CDH13: variants seen among roughly 807,000 people sequenced by gnomAD.
CDH13 encodes the protein cadherin-13.
A neutral mutation model predicts 63.8 loss-of-function variants in CDH13; 24 were observed. The ratio of observed to expected loss-of-function variants is 0.38; its 90% CI spans 0.27 to 0.53. The LOEUF (loss-of-function observed/expected upper bound fraction) is 0.53. Among genes scored for constraint, CDH13 ranks in the 20% least tolerant of loss-of-function variants. The pLI, the probability that CDH13 is intolerant of heterozygous loss-of-function variation, is 0.85. For synonymous variants in CDH13, 503 were observed against 355.3 expected (o/e 1.42, Z -4.67); for missense variants, 1,049 against 903.1 (o/e 1.16, Z -2.07).
intron 5 of CDH13, among the ~76,000 whole-genome samples, chr16:83,314,481 C>G (rs888726531): frequency 6.6e-6 from 1 of 152,040 alleles, no homozygotes; most frequent in African/African-American, 2.4e-5. Context: ...ATTTGAGGAG[C>G]CCAGCTCATT....
At chr16:83,149,528 C>T (rs74033935) in intron 4 of CDH13, among the ~76,000 whole-genome samples, 2,559 of 152,308 alleles carry the variant, frequency 0.017, 78 homozygotes, top group African/African-American at 0.058. Context: ...GGAAACTTAT[C>T]ATGTGCTAGG....
intron 1 of CDH13, among the ~76,000 whole-genome samples, chr16:82,728,064 A>G (rs1015161391): frequency 6.6e-6 from 1 of 152,196 alleles, no homozygotes; most frequent in Non-Finnish European, 1.5e-5. Context: ...CTTCCTCTGG[A>G]AAATGGCAGG....
Position 83,178,251 on chromosome 16 carries a change from ACCTGTG to A in CDH13, c.484-39093_484-39088del, listed in dbSNP as rs1490929771. The stretch of plus-strand genomic sequence containing the variant: ...GTGCTTATAAAAGGATGTTTAATGC[ACCTGTG>A]GCTGTACCCATTAGCTACCAGCAGC... On this transcript the variant is annotated intron_variant, in intron 4 of 13. Transcript: ENST00000567109. 2.6e-5 allele frequency among the ~76,000 whole-genome samples: 4 copies of A among 152,208 alleles called. No homozygotes were observed. In the East Asian group the frequency reaches 7.7e-4, roughly 29 times the overall value.
At chr16:82,794,811 T>C (rs1024413100) in intron 1 of CDH13, among the ~76,000 whole-genome samples, 6 of 152,240 alleles carry the variant, frequency 3.9e-5, no homozygotes, top group African/African-American at 1.4e-4. Context: ...TTTCCTACTT[T>C]GGTTCCTTGG....
chr16:83,024,495 T>G (rs1200069693), intron 2 of CDH13, among the ~76,000 whole-genome samples: 3 of 152,154 alleles, frequency 2.0e-5, no homozygotes, highest in Non-Finnish European at 4.4e-5. Context: ...CTCAGGAGTG[T>G]GGGCTCTAGA....
chr16:83,134,924 C>G (rs2036216967), intron 4 of CDH13, among the ~76,000 whole-genome samples: 1 of 152,198 alleles, frequency 6.6e-6, no homozygotes, highest in Non-Finnish European at 1.5e-5. Flanking sequence ...GTTTATCACC[C>G]TTTCGGTTCT....
At chr16:83,671,769 C>T (rs181680748) in intron 9 of CDH13, among the ~76,000 whole-genome samples, 31 of 152,304 alleles carry the variant, frequency 2.0e-4, no homozygotes, top group Non-Finnish European at 4.1e-4. Context: ...AACTCACACA[C>T]TGACCCTCTC....
chr16:82,767,850 T>C (rs1267412301), intron 1 of CDH13, among the ~76,000 whole-genome samples: 2 of 152,194 alleles, frequency 1.3e-5, no homozygotes, highest in African/African-American at 2.4e-5. Flanking sequence ...GCACTGGCAC[T>C]GAGGGTCCAT....
At chr16:82,833,572 C>T (rs111365951) in intron 1 of CDH13, among the ~76,000 whole-genome samples, 250 of 152,328 alleles carry the variant, frequency 1.6e-3, no homozygotes, top group African/African-American at 5.8e-3. Flanking sequence ...TTAACCATTC[C>T]AGGGCTTTCC....
intron 3 of CDH13, among the ~76,000 whole-genome samples, chr16:83,073,683 C>G (rs1477894220): frequency 1.3e-5 from 2 of 151,930 alleles, no homozygotes; most frequent in Admixed American, 6.6e-5. Context: ...GTCAGTTACC[C>G]TGACACTATA....
intron 5 of CDH13, among the ~76,000 whole-genome samples, chr16:83,264,903 C>G (rs901881769): frequency 6.6e-6 from 1 of 151,994 alleles, no homozygotes; most frequent in Non-Finnish European, 1.5e-5. Context: ...CCTTTATATT[C>G]TAGGTTTATG....
At chr16:82,659,745 A>C (rs1178829254) in intron 1 of CDH13, among the ~76,000 whole-genome samples, 2 of 152,118 alleles carry the variant, frequency 1.3e-5, no homozygotes, top group African/African-American at 4.8e-5. Context: ...TCTGAACGTT[A>C]AATAGTAGGG....
chr16:82,755,478 T>G (rs1209648411), intron 1 of CDH13, among the ~76,000 whole-genome samples: 1 of 152,082 alleles, frequency 6.6e-6, no homozygotes, highest in Non-Finnish European at 1.5e-5. Flanking sequence ...TAGCTTTTCT[T>G]GTAACCATAT....
At chr16:82,815,928 A>G (rs930115724) in intron 1 of CDH13, among the ~76,000 whole-genome samples, 7 of 152,216 alleles carry the variant, frequency 4.6e-5, no homozygotes, top group African/African-American at 1.7e-4. Context: ...AATGCAAGAC[A>G]CGTGTTTAGG....
intron 5 of CDH13, among the ~76,000 whole-genome samples, chr16:83,243,058 T>A (rs1027467581): frequency 1.3e-5 from 2 of 152,188 alleles, no homozygotes; most frequent in Non-Finnish European, 2.9e-5. Context: ...ACCTAAGACA[T>A]GGTGAGTAAT....
chr16:82,632,076 G>T (rs1908072856), intron 1 of CDH13, among the ~76,000 whole-genome samples: 1 of 151,150 alleles, frequency 6.6e-6, no homozygotes, highest in South Asian at 2.1e-4. Flanking sequence ...AGTCAGGTCA[G>T]GCAACCCTAG....
intron 1 of CDH13, among the ~76,000 whole-genome samples, chr16:82,744,901 G>C (rs1379054551): frequency 2.6e-5 from 4 of 152,156 alleles, no homozygotes; most frequent in Non-Finnish European, 4.4e-5. Context: ...CTAATCCCCA[G>C]AGCCTGTGGC....
intron 11 of CDH13, among the ~76,000 whole-genome samples, chr16:83,762,553 A>G (rs1180174377): frequency 6.6e-6 from 1 of 152,164 alleles, no homozygotes; most frequent in Admixed American, 6.5e-5. Context: ...TAATCACCAG[A>G]AAGGTCAAAT....
At chr16:83,467,503 G>C (rs2073346405) in intron 6 of CDH13, among the ~76,000 whole-genome samples, 1 of 151,454 alleles carries the variant, frequency 6.6e-6, no homozygotes, top group Non-Finnish European at 1.5e-5. Context: ...TTTGTGAATT[G>C]AGCCTAGAAA....
Sources: gnomAD v4.1 joint callset for allele counts (sites outside exome capture counted in the v4.1 genomes callset) on GRCh38, gnomAD v4.1.1 for gene constraint, MANE v1.5 for transcripts, NCBI Gene and HGNC (gene_info 2026-07-23, HGNC 2026-07-21) for gene names.